MGAT4C: variants seen among roughly 807,000 people sequenced by gnomAD.
MGAT4C encodes the protein MGAT4 family member C, also known as alpha-1,3-mannosyl-glycoprotein 4-beta-N-acetylglucosaminyltransferase C.
MGAT4C carries 19 observed loss-of-function variants against 40.1 expected under a neutral mutation model. The ratio of observed to expected loss-of-function variants is 0.47; its 90% CI spans 0.33 to 0.70. The LOEUF is 0.70. Among genes scored for constraint, MGAT4C ranks in the 30% least tolerant of loss-of-function variants. MGAT4C has a pLI of 0.02. For missense variants in MGAT4C, 491 were observed against 563.2 expected (o/e 0.87, Z 1.30); for synonymous variants, 181 against 187.1 (o/e 0.97, Z 0.27).
intron 1 of MGAT4C, among the ~76,000 whole-genome samples, chr12:86,132,424 C>T (rs1237494436): frequency 6.6e-6 from 1 of 151,910 alleles, no homozygotes; most frequent in Non-Finnish European, 1.5e-5. Context: ...TTCCTTTCAT[C>T]ACTTCTTCCA....
chr12:86,076,737 G>T (rs1869801463), intron 1 of MGAT4C, among the ~76,000 whole-genome samples: 1 of 152,090 alleles, frequency 6.6e-6, no homozygotes, highest in South Asian at 2.1e-4. Flanking sequence ...GCATGGAAAA[G>T]ACCGGCCCCC....
At chr12:86,520,481 G>C (rs1958773673) in intron 2 of MGAT4C, among the ~76,000 whole-genome samples, 1 of 151,994 alleles carries the variant, frequency 6.6e-6, no homozygotes, top group Non-Finnish European at 1.5e-5. Context: ...ACCTTTGATG[G>C]GCATTTAGGT....
chr12:86,688,157 C>CTTTTTTTTTTT (rs55637680), intron 2 of MGAT4C, among the ~76,000 whole-genome samples: 41 of 65,238 alleles, frequency 6.3e-4, no homozygotes, highest in Admixed American at 7.1e-4. Flanking sequence ...GCAACCCCTG[C>CTTTTTTTTTTT]TTTTTTTTTT....
At chr12:86,374,014 C>T (rs1955773735) in intron 3 of MGAT4C, among the ~76,000 whole-genome samples, 2 of 152,018 alleles carry the variant, frequency 1.3e-5, no homozygotes, top group African/African-American at 4.8e-5. Context: ...CCTTATGACA[C>T]AGGAAGTCCT....
chr12:86,361,993 C>T lies in MGAT4C; in HGVS notation c.-119-27866G>A, dbSNP rs142316969. 6.6e-3 allele frequency among the ~76,000 whole-genome samples: 1,002 copies of T among 152,274 alleles called. 10 individuals are homozygous for T. Among genetic ancestry groups the T allele is most frequent in the African/African-American group, 0.023 (956 of 41,548 alleles). On this transcript the variant is annotated intron_variant, in intron 3 of 7. Transcript: ENST00000548651. ...CAGCCATCCCATTACTGGGTATATACGCAAAGGATTATAAACCATGCTGCT... is the reference window on the plus strand; with the variant it reads ...CAGCCATCCCATTACTGGGTATATATGCAAAGGATTATAAACCATGCTGCT...
At chr12:86,157,038 C>A (rs2135787291) in intron 1 of MGAT4C, among the ~76,000 whole-genome samples, 1 of 152,112 alleles carries the variant, frequency 6.6e-6, no homozygotes, top group Admixed American at 6.5e-5. Flanking sequence ...TATAATCTCA[C>A]CCTAAAGAGC....
chr12:86,224,335 G>A (rs79578549), intron 1 of MGAT4C, among the ~76,000 whole-genome samples: 454 of 152,154 alleles, frequency 3.0e-3, no homozygotes, highest in African/African-American at 9.8e-3. Context: ...TAAAAAGATA[G>A]ACTCCATAAA....
At chr12:86,104,154 C>T (rs927071491) in intron 1 of MGAT4C, among the ~76,000 whole-genome samples, 1 of 151,506 alleles carries the variant, frequency 6.6e-6, no homozygotes, top group Non-Finnish European at 1.5e-5. Context: ...AAAACATTGT[C>T]TCTAAAGCCT....
intron 2 of MGAT4C, among the ~76,000 whole-genome samples, chr12:86,685,862 GA>G (rs1249253951): frequency 1.3e-5 from 2 of 149,194 alleles, no homozygotes; most frequent in Non-Finnish European, 3.0e-5. Context: ...GAATGCTTGT[GA>G]TTTTTTTTTT....
At chr12:86,021,575 C>T (rs1208003405) in intron 2 of MGAT4C, among the ~76,000 whole-genome samples, 1 of 126,826 alleles carries the variant, frequency 7.9e-6, no homozygotes, top group Non-Finnish European at 1.6e-5. Flanking sequence ...ACATCACACA[C>T]CAGGGCCTGC....
rs1884390874 is a variant in MGAT4C, at chr12:85,980,153, A to G, written c.573T>C (p.Asp191=). The G allele has an allele frequency of 6.2e-7, 1 of 1,614,014 alleles. No individual in the cohort carries two copies. The highest frequency in any genetic ancestry group is 2.2e-5 in the East Asian group (1 of 44,868). ...ILDGLKRNYN[D]PEDRVKFRSK... ...AACGAAATTTGACTCTATCTTCTGGATCATTGTAATTTCTTTTAAGGCCAT... is the reference window on the plus strand; with the variant it reads ...AACGAAATTTGACTCTATCTTCTGGGTCATTGTAATTTCTTTTAAGGCCAT... Residue 191 remains aspartate, a synonymous_variant, in exon 5 of 5, where the codon GAT becomes GAC. Transcript: ENST00000611864.
At chr12:86,529,052 T>C (rs1958933347) in intron 2 of MGAT4C, among the ~76,000 whole-genome samples, 1 of 151,934 alleles carries the variant, frequency 6.6e-6, no homozygotes, top group East Asian at 1.9e-4. Flanking sequence ...GACAACCAGA[T>C]AGGTGTTAGG....
chr12:86,342,742 G>GT lies in MGAT4C; in HGVS notation c.-119-8616dup, dbSNP rs904683608. Among the ~76,000 whole-genome samples, 343 of 151,418 alleles carry GT rather than the reference G, an allele frequency of 2.3e-3. 1 individual carries two copies. The highest frequency in any genetic ancestry group is 8.0e-3 in the African/African-American group (332 of 41,316). ...GCGTGAGCCACTGCTCCCAGCCATG[G>GT]TTTTTTTTTATATTGTCATATATTT... On this transcript the variant is annotated intron_variant, in intron 3 of 7. Transcript: ENST00000548651.
chr12:86,248,952 A>G (rs2136068668), intron 1 of MGAT4C, among the ~76,000 whole-genome samples: 1 of 152,308 alleles, frequency 6.6e-6, no homozygotes, highest in Non-Finnish European at 1.5e-5. Flanking sequence ...TTCACTGTAA[A>G]TCACATGCCA....
At chr12:86,377,679 AT>A (rs769308348) in intron 3 of MGAT4C, among the ~76,000 whole-genome samples, 15 of 152,154 alleles carry the variant, frequency 9.9e-5, no homozygotes, top group Non-Finnish European at 4.4e-5. Flanking sequence ...TTTTCTACAT[AT>A]TTTTAATGTT....
intron 2 of MGAT4C, among the ~76,000 whole-genome samples, chr12:86,639,846 T>G (rs563404156): frequency 1.4e-4 from 21 of 151,860 alleles, no homozygotes; most frequent in African/African-American, 4.6e-4. Flanking sequence ...ACAGAAAATT[T>G]AGCAACATCA....
chr12:86,298,509 G>A (rs932057704), intron 4 of MGAT4C, among the ~76,000 whole-genome samples: 1 of 151,902 alleles, frequency 6.6e-6, no homozygotes, highest in Non-Finnish European at 1.5e-5. Context: ...CTGTCATAAA[G>A]GAAGCATCAA....
At chr12:86,265,326 C>A (rs1384792209) in intron 4 of MGAT4C, among the ~76,000 whole-genome samples, 6 of 152,228 alleles carry the variant, frequency 3.9e-5, no homozygotes, top group African/African-American at 1.2e-4. Flanking sequence ...CAGAGGTTCC[C>A]AGCTGGCGAA....
At chr12:86,125,073 T>G (rs1006808528) in intron 1 of MGAT4C, among the ~76,000 whole-genome samples, 2 of 152,154 alleles carry the variant, frequency 1.3e-5, no homozygotes, top group African/African-American at 4.8e-5. Context: ...ATCAGGAAAG[T>G]TGGCCAGATT....
Sources: allele counts gnomAD v4.1 joint callset (sites outside exome capture counted in the v4.1 genomes callset), GRCh38; gene constraint gnomAD v4.1.1; transcripts MANE v1.5; gene names NCBI Gene and HGNC (gene_info 2026-07-23, HGNC 2026-07-21).